FRY: variants seen among roughly 807,000 people sequenced by gnomAD.
The protein encoded by FRY is FRY microtubule binding protein.
In FRY, 128 loss-of-function variants were observed where a neutral mutation model predicts 348.4. The observed-to-expected ratio is 0.37, with a 90% CI of 0.32 to 0.43. The LOEUF (loss-of-function observed/expected upper bound fraction) is 0.43. Among genes scored for constraint, FRY ranks in the 20% least tolerant of loss-of-function variants. FRY has a pLI of 1.00. For missense variants in FRY, 2,736 were observed against 3,695.2 expected (o/e 0.74, Z 6.73); for synonymous variants, 1,370 against 1,374.7 (o/e 1.00, Z 0.08).
At chr13:32,130,757 A>G (rs938336056) in intron 7 of FRY, among the ~76,000 whole-genome samples, 2 of 152,066 alleles carry the variant, frequency 1.3e-5, no homozygotes, top group Admixed American at 6.6e-5. Context: ...TTCCATGAAT[A>G]TAATAGACAG....
chr13:32,090,350 C>CAAAA (rs34392238), intron 2 of FRY, among the ~76,000 whole-genome samples: 15 of 58,772 alleles, frequency 2.6e-4, no homozygotes, highest in Admixed American at 1.4e-3. Context: ...GACTCCATCT[C>CAAAA]AAAAAAAAAA....
intron 60 of FRY, 59 bp from the exon 61 acceptor site, chr13:32,295,143 A>C: frequency 6.6e-7 from 1 of 1,524,260 alleles, no homozygotes; most frequent in Non-Finnish European, 9.1e-7. Context: ...GAAGACTCAT[A>C]AGCTCCCAAC....
At chr13:32,155,430 G>C (rs1881053475) in intron 14 of FRY, 61 bp from the exon 15 acceptor site, 4 of 1,180,350 alleles carry the variant, frequency 3.4e-6, no homozygotes. Flanking sequence ...AAGACTTATG[G>C]ATGTATTCCA....
At position 32,289,711 on chromosome 13, in the gene FRY, G is replaced by A. The variant is rs372634036; in HGVS notation, c.8548G>A (p.Gly2850Ser). 3.7e-5 allele frequency: 59 copies of A among 1,611,354 alleles called. No homozygotes were observed. The highest frequency in any genetic ancestry group is 4.8e-5 in the Non-Finnish European group (56 of 1,177,660). The change falls in exon 59 of 61, where the codon GGC becomes AGC. Residue 2850 changes from glycine (G) to serine (S), a missense_variant. Physicochemically the swap from Gly to Ser is moderately conservative, Grantham distance 56. Around this residue, in one of 9 missense-constraint regions of FRY, gnomAD observed 157 missense variants for 215.2 expected, o/e 0.73. Transcript: ENST00000542859. ...LLFQSYCKLIGQVHEVSSMPE... is the reference protein window; with the variant it reads ...LLFQSYCKLISQVHEVSSMPE... ...TTTTCAGTCCTACTGTAAGCTCATC[G>A]GCCAGGTGCACGAAGTTAGCTCCAT... is the stretch of plus-strand genomic sequence containing the variant.
rs768653811 is a variant in FRY, at chr13:32,267,202, C to T, written c.7979C>T (p.Pro2660Leu). The change falls in exon 55 of 61, where the codon CCT (proline) becomes CTT (leucine). Residue 2660 changes from proline (P) to leucine (L), a missense_variant. Physicochemically the swap from Pro to Leu is moderately conservative, Grantham distance 98. Coordinates refer to ENST00000542859, the MANE Select transcript of FRY (RefSeq NM_023037.3). Reference protein sequence around the residue: ...FGEGDRGVSPPPSPFFSAILA... With the variant: ...FGEGDRGVSPLPSPFFSAILA... Reference sequence around the variant, plus strand: ...GAAGGTGACAGGGGAGTCTCTCCCCCTCCCTCGCCCTTCTTCTCAGCCATC... The same window carrying T: ...GAAGGTGACAGGGGAGTCTCTCCCCTTCCCTCGCCCTTCTTCTCAGCCATC... The T allele has an allele frequency of 5.0e-6, 8 of 1,614,074 alleles. No individual in the cohort carries two copies. The highest frequency in any genetic ancestry group is 1.3e-5 in the African/African-American group (1 of 74,924).
intron 23 of FRY, 114 bp downstream of exon 23, chr13:32,179,913 C>G: frequency 1.0e-6 from 1 of 964,016 alleles, no homozygotes; most frequent in Non-Finnish European, 1.7e-6. Flanking sequence ...AGTTTATAGG[C>G]TTTGTGTGAC....
In FRY at chr13:32,173,473, A is replaced by G; in HGVS notation, c.2258A>G (p.Gln753Arg). The G allele has an allele frequency of 1.9e-6, 3 of 1,613,284 alleles. No homozygotes were observed. The South Asian group carries it at 3.3e-5, about 18-fold the overall frequency. Reference sequence around the variant, plus strand: ...GCTCTGGTTTTACTCTGCAGTTTCCAGGTGGCCACACGCAAACTGTCCGTT... The same window carrying G: ...GCTCTGGTTTTACTCTGCAGTTTCCGGGTGGCCACACGCAAACTGTCCGTT... Reference protein sequence around the residue: ...GFALVLLCSFQVATRKLSVLI... With the variant: ...GFALVLLCSFRVATRKLSVLI... Residue 753 changes from glutamine to arginine, a missense_variant, in exon 19 of 61, where the codon CAG (glutamine) becomes CGG (arginine). Physicochemically the swap from Gln to Arg is conservative, Grantham distance 43. Coordinates refer to ENST00000542859, the MANE Select transcript of FRY (RefSeq NM_023037.3).
chr13:32,065,633 C>A (rs1377455662), intron 1 of FRY, among the ~76,000 whole-genome samples: 4 of 152,052 alleles, frequency 2.6e-5, no homozygotes, highest in Non-Finnish European at 4.4e-5. Context: ...GAGAGTCTCA[C>A]CCTGTTGCCC....
chr13:32,134,211 A>G (rs1879557470), intron 8 of FRY, among the ~76,000 whole-genome samples: 1 of 152,216 alleles, frequency 6.6e-6, no homozygotes, highest in African/African-American at 2.4e-5. Flanking sequence ...TTTTGTTTAA[A>G]AAAAAAATGT....
intron 36 of FRY, among the ~76,000 whole-genome samples, chr13:32,223,890 G>A (rs1885445069): frequency 6.6e-6 from 1 of 152,026 alleles, no homozygotes; most frequent in Admixed American, 6.5e-5. Flanking sequence ...CATCATGCCT[G>A]GCTATTTTGT....
chr13:32,291,986 T>C (rs1031934984), intron 59 of FRY: 3 of 452,620 alleles, frequency 6.6e-6, no homozygotes, highest in Non-Finnish European at 1.3e-5. Flanking sequence ...TGTTGTTGTT[T>C]GTTTATTTGT....
rs755503429 is a variant in FRY, at chr13:32,267,233, C to G, written c.8010C>G (p.Ala2670=). The G allele has an allele frequency of 3.1e-6, 5 of 1,614,052 alleles. No individual in the cohort carries two copies. The highest frequency in any genetic ancestry group is 1.3e-5 in the African/African-American group (1 of 74,918). The change falls in exon 55 of 61, where the codon GCC becomes GCG. Residue 2670 remains alanine, a synonymous_variant. Coordinates refer to ENST00000542859, the MANE Select transcript of FRY (RefSeq NM_023037.3). ...CGCCCTTCTTCTCAGCCATCCTTGC[C>G]GCCTTTCAGCCCGCAGCCTGTGACG... ...PPSPFFSAIL[A]AFQPAACDDA...
At chr13:32,207,176 C>T (rs798990) in intron 31 of FRY, among the ~76,000 whole-genome samples, 61,530 of 151,664 alleles carry the variant, frequency 0.41, 12,615 homozygotes, top group Admixed American at 0.43. Context: ...CCGAAAAGTC[C>T]ATAGATTTTT....
rs1362770926 is a variant in FRY at position 32,297,771 on chromosome 13, C to T, written c.*2311C>T. 1.3e-5 allele frequency: 2 copies of T among 152,108 alleles called. No individual in the cohort carries two copies. Among genetic ancestry groups the T allele is most frequent in the African/African-American group, 4.8e-5 (2 of 41,394 alleles). 9.4% of individuals were successfully genotyped at this position (152,108 alleles called of 1,614,324 possible). A position where few individuals can be genotyped will look rare whatever the true frequency, so the allele number is the denominator to read the frequency against. Reference sequence around the variant, plus strand: ...CGGCTATTGCTCTGTGCCTCTGTTACAGAAGCATTAATGTTAATTGCCTTC... The same window carrying T: ...CGGCTATTGCTCTGTGCCTCTGTTATAGAAGCATTAATGTTAATTGCCTTC... On this transcript the variant is annotated 3_prime_UTR_variant, in exon 61 of 61. Coordinates refer to ENST00000542859, the MANE Select transcript of FRY (RefSeq NM_023037.3).
chr13:32,118,900 T>G (rs1230294504), intron 4 of FRY, among the ~76,000 whole-genome samples: 1 of 152,214 alleles, frequency 6.6e-6, no homozygotes, highest in Non-Finnish European at 1.5e-5. Flanking sequence ...GAACAGATAT[T>G]AAACCTTCCC....
At chr13:32,036,046 A>G (rs927606923) in intron 1 of FRY, among the ~76,000 whole-genome samples, 2 of 152,256 alleles carry the variant, frequency 1.3e-5, no homozygotes, top group African/African-American at 4.8e-5. Flanking sequence ...GTTAGAAAAC[A>G]TCTCAGATTC....
intron 1 of FRY, among the ~76,000 whole-genome samples, chr13:32,047,573 T>C (rs929636576): frequency 1.7e-5 from 2 of 115,284 alleles, no homozygotes; most frequent in African/African-American, 5.1e-5. Context: ...TTTTCTTTTC[T>C]TTTTTTTTGG....
At chr13:32,226,304 A>T (rs1245646104) in intron 39 of FRY, among the ~76,000 whole-genome samples, 1 of 152,188 alleles carries the variant, frequency 6.6e-6, no homozygotes, top group African/African-American at 2.4e-5. Context: ...ATGAGAACAC[A>T]CAAAATAGTG....
In FRY at chr13:32,059,282, A is replaced by G. The variant is rs113691855; in HGVS notation, c.71-19552A>G. ...TAATAATAGCACTGGAGACTTGAGGATGACAAAGTGCGAATTTTCAGTTGG... is the reference window on the plus strand; with the variant it reads ...TAATAATAGCACTGGAGACTTGAGGGTGACAAAGTGCGAATTTTCAGTTGG... On this transcript the variant is annotated intron_variant, in intron 1 of 60. Transcript: ENST00000542859. Among the ~76,000 whole-genome samples the G allele has an allele frequency of 3.9e-3, 591 of 152,160 alleles. 3 individuals are homozygous for G. The highest frequency in any genetic ancestry group is 0.014 in the African/African-American group (568 of 41,508).
Sources: gnomAD v4.1 joint callset for allele counts (sites outside exome capture counted in the v4.1 genomes callset) on GRCh38, gnomAD v4.1.1 for gene constraint, gnomAD v4.1.1 regional missense constraint, MANE v1.5 for transcripts, NCBI Gene and HGNC (gene_info 2026-07-23, HGNC 2026-07-21) for gene names.